The following ACVR1 variants were observed in gnomAD, a reference collection of about 807,000 sequenced individuals.
ACVR1 encodes the protein activin receptor type-1.
Under a neutral mutation model 57.1 loss-of-function variants are expected in ACVR1, and 38 were observed. That is an observed-to-expected ratio of 0.67 (90% CI 0.51 to 0.87). The LOEUF is 0.87. Among genes scored for constraint, ACVR1 ranks in the 40% least tolerant of loss-of-function variants. The probability of loss-of-function intolerance (pLI) is 0.00; values close to 1 mark genes in which losing one functional copy is unlikely to be tolerated. For synonymous variants in ACVR1, 212 were observed against 228.1 expected (o/e 0.93, Z 0.63); for missense variants, 463 against 638.2 (o/e 0.73, Z 2.96).
At chr2:157,775,500 G>T (rs554637380) in intron 5 of ACVR1, among the ~76,000 whole-genome samples, 6 of 152,186 alleles carry the variant, frequency 3.9e-5, no homozygotes, top group Non-Finnish European at 5.9e-5. Flanking sequence ...ACATTGATTT[G>T]TGTGAATTTC....
At chr2:157,760,284 G>C (rs1685592121) in intron 9 of ACVR1, among the ~76,000 whole-genome samples, 1 of 152,130 alleles carries the variant, frequency 6.6e-6, no homozygotes, top group African/African-American at 2.4e-5. Context: ...ACCAGAAGCT[G>C]AGAAGGTTGG....
chr2:157,760,693 G>A (rs1297987788), intron 9 of ACVR1, among the ~76,000 whole-genome samples, 187 bp downstream of exon 9: 1 of 152,036 alleles, frequency 6.6e-6, no homozygotes, highest in Admixed American at 6.6e-5. Context: ...CACTTACTGT[G>A]GTATATTTCA....
chr2:157,764,801 A>T (rs1337423951), intron 8 of ACVR1, among the ~76,000 whole-genome samples: 1 of 152,108 alleles, frequency 6.6e-6, no homozygotes, highest in Admixed American at 6.5e-5. Flanking sequence ...CCTGCAAAAA[A>T]CTTTAGGGCC....
chr2:157,764,843 C>A (rs990818777), intron 8 of ACVR1, among the ~76,000 whole-genome samples: 1 of 152,060 alleles, frequency 6.6e-6, no homozygotes, highest in Non-Finnish European at 1.5e-5. Flanking sequence ...TAAAATCTTT[C>A]GTCTCCTACT....
chr2:157,767,841 G>A (rs1302247807), intron 7 of ACVR1, among the ~76,000 whole-genome samples: 2 of 152,132 alleles, frequency 1.3e-5, no homozygotes, highest in African/African-American at 4.8e-5. Flanking sequence ...GGCTCTGTGA[G>A]CCAAGAAAGG....
chr2:157,802,034 A>T (rs889908785), intron 2 of ACVR1, among the ~76,000 whole-genome samples: 33 of 152,238 alleles, frequency 2.2e-4, no homozygotes, highest in Non-Finnish European at 4.0e-4. Context: ...TTCCATAATT[A>T]AAAACTGAAT....
intron 1 of ACVR1, among the ~76,000 whole-genome samples, chr2:157,849,640 A>C (rs1482345522): frequency 6.6e-6 from 1 of 152,226 alleles, no homozygotes. Context: ...TTGGCACACT[A>C]CACATAGGCT....
chr2:157,845,879 A>C (rs2105359796), intron 1 of ACVR1, among the ~76,000 whole-genome samples: 1 of 152,376 alleles, frequency 6.6e-6, no homozygotes, highest in South Asian at 2.1e-4. Context: ...GCAAAGAAAT[A>C]AAATGTACAA....
intron 1 of ACVR1, among the ~76,000 whole-genome samples, chr2:157,872,951 T>C (rs1398451281): frequency 6.6e-6 from 1 of 152,216 alleles, no homozygotes; most frequent in Non-Finnish European, 1.5e-5. Flanking sequence ...ATAATCATTA[T>C]TCTGAAGTTG....
At chr2:157,791,877 TACTGTA>T (rs1240209013) in intron 3 of ACVR1, among the ~76,000 whole-genome samples, 17 of 152,238 alleles carry the variant, frequency 1.1e-4, no homozygotes, top group Non-Finnish European at 2.2e-4. Flanking sequence ...AAGAAGTCAT[TACTGTA>T]ACTCTACATG....
chr2:157,819,669 T>C (rs1688089269), intron 1 of ACVR1, among the ~76,000 whole-genome samples: 1 of 152,228 alleles, frequency 6.6e-6, no homozygotes, highest in East Asian at 1.9e-4. Context: ...AACAATTCTC[T>C]GGCATAGACA....
chr2:157,801,389 C>T lies in ACVR1; in HGVS notation c.-7-1889G>A, dbSNP rs73966129. The stretch of plus-strand genomic sequence containing the variant: ...TTCCCAAATGACAAGTGTTCTAAAA[C>T]CATTACAGAAACTAGAGATTGCACA... On this transcript the variant is annotated intron_variant, in intron 2 of 10. Transcript: ENST00000434821. Among the ~76,000 whole-genome samples, 1,484 of 152,234 alleles carry T rather than the reference C, an allele frequency of 9.7e-3. 31 individuals are homozygous for T. Among genetic ancestry groups the T allele is most frequent in the African/African-American group, 0.034 (1,404 of 41,534 alleles).
chr2:157,759,537 T>G (rs1297348450), intron 9 of ACVR1, among the ~76,000 whole-genome samples: 1 of 152,124 alleles, frequency 6.6e-6, no homozygotes, highest in African/African-American at 2.4e-5. Context: ...ATAGAACTTC[T>G]TCTTGAACTA....
intron 3 of ACVR1, among the ~76,000 whole-genome samples, chr2:157,793,670 T>C (rs1687003910): frequency 6.6e-6 from 1 of 152,166 alleles, no homozygotes; most frequent in Non-Finnish European, 1.5e-5. Context: ...GAGATACAAA[T>C]GTAATACTAA....
rs1685852500 is a variant in ACVR1 at position 157,766,152 on chromosome 2, G to A, written c.835C>T (p.Leu279=). The change falls in exon 8 of 11, where the codon CTG becomes TTG. Residue 279 remains leucine (L), a synonymous_variant. Coordinates refer to ENST00000434821, the MANE Select transcript of ACVR1 (RefSeq NM_001111067.4). ...TCATGATAATGTGTAATTAACCACA[G>A]CTGGGTACTGGAGTGTCTTGATGTC... ...DMTSRHSSTQ[L]WLITHYHEMG... 6.2e-7 allele frequency: 1 copy of A among 1,614,108 alleles called. No individual in the cohort carries two copies. The highest frequency in any genetic ancestry group is 2.2e-5 in the East Asian group (1 of 44,870).
intron 1 of ACVR1, among the ~76,000 whole-genome samples, chr2:157,829,660 T>C (rs1281752635): frequency 6.6e-6 from 1 of 152,198 alleles, no homozygotes; most frequent in Non-Finnish European, 1.5e-5. Flanking sequence ...CCTTTGCACT[T>C]GTCTGCCTGA....
rs534041968 is a variant in ACVR1 at position 157,830,214 on chromosome 2, G to A, written c.-182-11655C>T. ...AGCCTAGGTGACAAGAGCAAACTCC[G>A]TCTCAAAATAAAATTAAATAAAAGG... is the stretch of plus-strand genomic sequence containing the variant. On this transcript the variant is annotated intron_variant, in intron 1 of 10. Transcript: ENST00000434821. 1.5e-4 allele frequency among the ~76,000 whole-genome samples: 23 copies of A among 152,106 alleles called. No homozygotes were observed. In the East Asian group the frequency reaches 2.1e-3, roughly 14 times the overall value.
chr2:157,865,070 G>GCA (rs1689865256), intron 1 of ACVR1, among the ~76,000 whole-genome samples: 1 of 124,792 alleles, frequency 8.0e-6, no homozygotes, highest in Admixed American at 9.1e-5. Context: ...CCAAAGCCCA[G>GCA]AGTTCTTTAT....
chr2:157,856,351 T>C (rs953860046), intron 1 of ACVR1, among the ~76,000 whole-genome samples: 1 of 152,206 alleles, frequency 6.6e-6, no homozygotes, highest in Non-Finnish European at 1.5e-5. Flanking sequence ...TCAAAACTTC[T>C]CATCTCTTGT....
Sources: gnomAD v4.1 joint callset for allele counts (sites outside exome capture counted in the v4.1 genomes callset) on GRCh38, gnomAD v4.1.1 for gene constraint, MANE v1.5 for transcripts, NCBI Gene and HGNC (gene_info 2026-07-23, HGNC 2026-07-21) for gene names.